Variants in COL6A5 observed in about 807,000 individuals in gnomAD.
COL6A5 encodes collagen type VI alpha 5 chain, also known as collagen alpha-5(VI) chain.
COL6A5 carries 48 observed loss-of-function variants against 65.6 expected under a neutral mutation model. The observed-to-expected ratio is 0.73, with a 90% CI of 0.58 to 0.93. The LOEUF is 0.93. Ranked by LOEUF, COL6A5 falls within the 40% of genes least tolerant of loss-of-function variation. The pLI is 0.00. For missense variants in COL6A5, 914 were observed against 928.3 expected (o/e 0.98, Z 0.20); for synonymous variants, 291 against 322.8 (o/e 0.90, Z 1.05).
chr3:130,434,848 C>T (rs999484026), intron 1 of COL6A5, among the ~76,000 whole-genome samples: 17 of 152,028 alleles, frequency 1.1e-4, no homozygotes, highest in African/African-American at 3.6e-4. Flanking sequence ...AGACCTTTGT[C>T]AGATGGGTAG....
In COL6A5 at chr3:130,409,116, G is replaced by T. The variant is rs115816291; in HGVS notation, c.4480-210G>T. On this transcript the variant is annotated intron_variant and NMD_transcript_variant, in intron 17 of 41. Coordinates refer to the COL6A5 transcript ENST00000312481. ...ACAGTGCTATGTTAGACCACGAGAAGTTTTCCAGTTTCTGAGCCTCGCTAC... is the reference window on the plus strand; with the variant it reads ...ACAGTGCTATGTTAGACCACGAGAATTTTTCCAGTTTCTGAGCCTCGCTAC... 3.0e-3 allele frequency among the ~76,000 whole-genome samples: 452 copies of T among 152,248 alleles called. 3 individuals are homozygous for T. Among genetic ancestry groups the T allele is most frequent in the African/African-American group, 0.01 (430 of 41,542 alleles).
In COL6A5 at chr3:130,422,707, T is replaced by C; in HGVS notation, c.5038-13T>C. Reference sequence around the variant, plus strand: ...TACTTTAACATCTTGACTTTTTATATCTGAATCTTCAGGGTGATATTGGTA... The same window carrying C: ...TACTTTAACATCTTGACTTTTTATACCTGAATCTTCAGGGTGATATTGGTA... On this transcript the variant is annotated splice_polypyrimidine_tract_variant and intron_variant and NMD_transcript_variant, in intron 27 of 41. Coordinates refer to the COL6A5 transcript ENST00000312481. 1 of 1,510,346 alleles carries C rather than the reference T, an allele frequency of 6.6e-7. No homozygotes were observed. Among genetic ancestry groups the C allele is most frequent in the South Asian group, 1.2e-5 (1 of 80,088 alleles). 93.6% of individuals were successfully genotyped at this position (1,510,346 alleles called of 1,614,324 possible). A position where few individuals can be genotyped will look rare whatever the true frequency, so the allele number is the denominator to read the frequency against.
intron 1 of COL6A5, among the ~76,000 whole-genome samples, chr3:130,364,983 G>A (rs1935278977): frequency 6.6e-6 from 1 of 152,214 alleles, no homozygotes; most frequent in Non-Finnish European, 1.5e-5. Flanking sequence ...AAGGTGCTCA[G>A]TTGATGTCAT....
intron 1 of COL6A5, among the ~76,000 whole-genome samples, chr3:130,369,486 TG>T (rs1935472140): frequency 6.6e-6 from 1 of 152,210 alleles, no homozygotes; most frequent in Non-Finnish European, 1.5e-5. Context: ...CTTAGAGGGT[TG>T]CAAGCTTTAT....
upstream of COL6A5, among the ~76,000 whole-genome samples, chr3:130,430,182 G>A (rs1937743470): frequency 6.6e-6 from 1 of 152,208 alleles, no homozygotes; most frequent in African/African-American, 2.4e-5. Context: ...TAAGCTCGGT[G>A]CAAGTTTGGA....
At chr3:130,441,763 A>G (rs918742829) in intron 3 of COL6A5, among the ~76,000 whole-genome samples, 11 of 152,264 alleles carry the variant, frequency 7.2e-5, no homozygotes, top group African/African-American at 2.6e-4. Flanking sequence ...ATTGCTAAAC[A>G]TCCTACAATT....
At chr3:130,440,468 C>G (rs1381147974) in exon 3 of COL6A5, 1 of 1,613,742 alleles carries the variant, frequency 6.2e-7, no homozygotes, top group Non-Finnish European at 8.5e-7. Flanking sequence ...AATGAAGAAT[C>G]ACATCCAGAC....
At position 130,371,608 on chromosome 3, in the gene COL6A5, C is replaced by A. The variant is rs117624161; in HGVS notation, c.-28-2003C>A. ...TTTTCAACAAATGGTACTAGGACAA[C>A]GGTAATTGTATATCCACATACGAAA... On this transcript the variant is annotated intron_variant and NMD_transcript_variant, in intron 1 of 41. Transcript: ENST00000312481. Among the ~76,000 whole-genome samples, 326 of 152,192 alleles carry A rather than the reference C, an allele frequency of 2.1e-3. 10 individuals are homozygous for A. In the East Asian group the frequency reaches 0.05, roughly 23 times the overall value.
rs1411326998 is a variant in COL6A5, at chr3:130,409,315, A to G, written c.4480-11A>G. On this transcript the variant is annotated splice_polypyrimidine_tract_variant and intron_variant and NMD_transcript_variant, in intron 17 of 41. Transcript: ENST00000312481. ...ACAAGCTAACTCAGAAATTCATTTC[A>G]TTTTTTTCAGGGCAGCCCAGGTTCC... The G allele has an allele frequency of 6.5e-7, 1 of 1,534,324 alleles. No individual in the cohort carries two copies. The highest frequency in any genetic ancestry group is 1.4e-5 in the African/African-American group (1 of 71,784).
chr3:130,355,485 G>A (rs572203529), intron 1 of COL6A5, among the ~76,000 whole-genome samples: 4 of 151,970 alleles, frequency 2.6e-5, no homozygotes, highest in Admixed American at 6.6e-5. Flanking sequence ...GGAAATAAAA[G>A]TTAAAACATT....
intron 1 of COL6A5, among the ~76,000 whole-genome samples, chr3:130,351,756 T>C (rs1184121708): frequency 2.6e-5 from 4 of 152,198 alleles, no homozygotes; most frequent in African/African-American, 9.6e-5. Context: ...TGGCAATTCC[T>C]CAAGGATCTA....
chr3:130,456,068 C>G (rs1254237590), intron 5 of COL6A5, among the ~76,000 whole-genome samples: 1 of 152,020 alleles, frequency 6.6e-6, no homozygotes, highest in Admixed American at 6.6e-5. Context: ...GGTCTTGGCT[C>G]ACCGCAACCT....
rs115259684 is a variant in COL6A5 at position 130,464,776 on chromosome 3, G to A, written c.1545-4019G>A. On this transcript the variant is annotated intron_variant, in intron 5 of 7. Transcript: ENST00000512836. ...CTAAGAGTTTGCCACTGGGTTCCTG[G>A]TGGAGAGTAGGAGGCCCATAAATTT... Among the ~76,000 whole-genome samples, 1,003 of 152,186 alleles carry A rather than the reference G, an allele frequency of 6.6e-3. 8 individuals are homozygous for A. The highest frequency in any genetic ancestry group is 0.011 in the South Asian group (54 of 4,812).
intron 1 of COL6A5, among the ~76,000 whole-genome samples, chr3:130,434,272 C>T (rs1196394457): frequency 6.6e-6 from 1 of 152,150 alleles, no homozygotes; most frequent in Non-Finnish European, 1.5e-5. Flanking sequence ...TGGTCTCATT[C>T]CTTTTTATGG....
intron 1 of COL6A5, among the ~76,000 whole-genome samples, chr3:130,348,343 A>G (rs931992763): frequency 6.6e-6 from 1 of 152,124 alleles, no homozygotes. Flanking sequence ...CTCATTGTTC[A>G]ACTCCCACTT....
intron 7 of COL6A5, chr3:130,471,850 G>T: frequency 6.6e-7 from 1 of 1,521,500 alleles, no homozygotes. Flanking sequence ...CTGAGAAACT[G>T]GCAATGAAAG....
At chr3:130,470,039 A>G (rs1709910534) in intron 6 of COL6A5, among the ~76,000 whole-genome samples, 2 of 151,980 alleles carry the variant, frequency 1.3e-5, no homozygotes, top group Non-Finnish European at 1.5e-5. Flanking sequence ...AAGGACTTCT[A>G]TTTTGTCTTG....
At chr3:130,440,127 A>G in intron 2 of COL6A5, 39 bp from the exon 35 acceptor site, 8 of 1,532,138 alleles carry the variant, frequency 5.2e-6, no homozygotes, top group Non-Finnish European at 7.1e-6. Flanking sequence ...TTGTTGGGTC[A>G]GTGTTGAACC....
At chr3:130,392,958 G>A (rs1397697014) in intron 7 of COL6A5, among the ~76,000 whole-genome samples, 1 of 152,058 alleles carries the variant, frequency 6.6e-6, no homozygotes, top group Non-Finnish European at 1.5e-5. Context: ...TTGACTCTCA[G>A]TCTGAAGCGT....
Sources: allele counts gnomAD v4.1 joint callset (sites outside exome capture counted in the v4.1 genomes callset), GRCh38; gene constraint gnomAD v4.1.1; transcripts MANE v1.5; gene names NCBI Gene and HGNC (gene_info 2026-07-23, HGNC 2026-07-21).